EVA1C: variants seen among roughly 807,000 people sequenced by gnomAD.
The protein encoded by EVA1C is eva-1 homolog C.
A neutral mutation model predicts 45.4 loss-of-function variants in EVA1C; 25 were observed. The ratio of observed to expected loss-of-function variants is 0.55; its 90% CI spans 0.40 to 0.77. The LOEUF is 0.77. Ranked by LOEUF, EVA1C falls within the 30% of genes least tolerant of loss-of-function variation. EVA1C has a pLI of 0.00. For synonymous variants in EVA1C, 190 were observed against 221.2 expected, an observed-to-expected ratio of 0.86 and a Z score of 1.25; for missense variants, 479 against 554.8, an observed-to-expected ratio of 0.86 and a Z score of 1.37.
chr21:32,500,190 ATTT>A (rs538897939), intron 5 of EVA1C, among the ~76,000 whole-genome samples: 359 of 91,092 alleles, frequency 3.9e-3, no homozygotes, highest in African/African-American at 0.015. Flanking sequence ...TAACCACCCT[ATTT>A]TTTTTTTTTT....
At chr21:32,450,193 T>A (rs1002764193) in intron 1 of EVA1C, among the ~76,000 whole-genome samples, 6 of 152,122 alleles carry the variant, frequency 3.9e-5, no homozygotes, top group Non-Finnish European at 7.4e-5. Flanking sequence ...ATGTAAATGG[T>A]CTGGAGGAGG....
chr21:32,475,463 C>CTTTT (rs775162227), intron 4 of EVA1C, among the ~76,000 whole-genome samples: 1 of 127,240 alleles, frequency 7.9e-6, no homozygotes, highest in Non-Finnish European at 1.7e-5. Flanking sequence ...AAAGTTCTTA[C>CTTTT]TTTTTTTTTT....
intron 1 of EVA1C, among the ~76,000 whole-genome samples, chr21:32,434,376 G>A (rs79178805): frequency 6.6e-6 from 1 of 150,842 alleles, no homozygotes; most frequent in Non-Finnish European, 1.5e-5. Flanking sequence ...CGGATCACGA[G>A]GTCAGGAGAT....
At chr21:32,495,231 A>ACCATGTG (rs567561059) in intron 5 of EVA1C, 61 bp downstream of exon 5, 2 of 1,573,568 alleles carry the variant, frequency 1.3e-6, no homozygotes, top group Non-Finnish European at 1.7e-6. Context: ...GAGGGTGGTG[A>ACCATGTG]CCATGTGAAC....
At chr21:32,501,162 T>C (rs917845106) in intron 5 of EVA1C, among the ~76,000 whole-genome samples, 1 of 152,210 alleles carries the variant, frequency 6.6e-6, no homozygotes, top group African/African-American at 2.4e-5. Flanking sequence ...ATATATCATA[T>C]CTTGTTTTTA....
At chr21:32,440,224 T>C (rs1276767314) in intron 1 of EVA1C, among the ~76,000 whole-genome samples, 1 of 152,236 alleles carries the variant, frequency 6.6e-6, no homozygotes, top group Non-Finnish European at 1.5e-5. Context: ...TTTTAAGTGC[T>C]AGTAAAAAGT....
At chr21:32,470,353 G>C (rs2094590066) in intron 4 of EVA1C, among the ~76,000 whole-genome samples, 1 of 152,220 alleles carries the variant, frequency 6.6e-6, no homozygotes, top group Admixed American at 6.5e-5. Flanking sequence ...AATGGTGGAG[G>C]GTCTGTTGGA....
At chr21:32,489,576 G>A (rs1349304603) in intron 4 of EVA1C, among the ~76,000 whole-genome samples, 1 of 152,154 alleles carries the variant, frequency 6.6e-6, no homozygotes, top group East Asian at 1.9e-4. Flanking sequence ...TGCTTTGGCT[G>A]TTCATGGTCT....
chr21:32,476,098 T>C (rs1175497630), intron 4 of EVA1C, among the ~76,000 whole-genome samples: 1 of 152,158 alleles, frequency 6.6e-6, no homozygotes, highest in African/African-American at 2.4e-5. Context: ...ATTTTTGTGG[T>C]TATTGTATTT....
At chr21:32,471,271 G>A (rs1213262452) in intron 4 of EVA1C, among the ~76,000 whole-genome samples, 2 of 151,684 alleles carry the variant, frequency 1.3e-5, no homozygotes, top group African/African-American at 4.8e-5. Context: ...AGGCATTGTG[G>A]ATCTACGTCT....
intron 4 of EVA1C, among the ~76,000 whole-genome samples, chr21:32,491,649 A>C (rs1426604731): frequency 7.2e-6 from 1 of 138,638 alleles, no homozygotes; most frequent in Non-Finnish European, 1.5e-5. Flanking sequence ...GCACCACTGC[A>C]CTCCAGACTG....
chr21:32,448,977 AAGAAAG>A (rs1350185007), intron 1 of EVA1C, among the ~76,000 whole-genome samples: 1 of 151,364 alleles, frequency 6.6e-6, no homozygotes, highest in Non-Finnish European at 1.5e-5. Flanking sequence ...AAAAGAAAGA[AAGAAAG>A]AGAGAAAGAA....
chr21:32,427,788 T>G (rs1601223941), intron 1 of EVA1C, among the ~76,000 whole-genome samples: 1 of 133,200 alleles, frequency 7.5e-6, no homozygotes, highest in Non-Finnish European at 1.6e-5. Flanking sequence ...GAGGCCAAGG[T>G]GGGAGGATGA....
chr21:32,457,570 T>C (rs2035832044), intron 2 of EVA1C, 27 bp from the exon 3 acceptor site: 4 of 1,613,870 alleles, frequency 2.5e-6, no homozygotes, highest in African/African-American at 1.3e-5. Context: ...TTTTCAAGCC[T>C]GTCCCTTTTC....
intron 2 of EVA1C, 52 bp downstream of exon 2, chr21:32,453,560 T>TTC: frequency 7.8e-7 from 1 of 1,280,882 alleles, no homozygotes; most frequent in South Asian, 1.3e-5. Flanking sequence ...CACACACTCT[T>TTC]TCTCTCTCTC....
intron 1 of EVA1C, among the ~76,000 whole-genome samples, chr21:32,414,556 G>C (rs927455964): frequency 1.3e-5 from 2 of 152,176 alleles, no homozygotes; most frequent in African/African-American, 4.8e-5. Flanking sequence ...TTGCTTTAGG[G>C]AAGCAGTTGC....
intron 4 of EVA1C, among the ~76,000 whole-genome samples, chr21:32,472,647 A>T (rs990142625): frequency 8.5e-5 from 13 of 152,088 alleles, no homozygotes; most frequent in African/African-American, 3.1e-4. Context: ...TAAAAGAAAA[A>T]AAAAAAGGAA....
chr21:32,458,859 C>G (rs1420462346), intron 3 of EVA1C, among the ~76,000 whole-genome samples: 1 of 152,078 alleles, frequency 6.6e-6, no homozygotes, highest in Non-Finnish European at 1.5e-5. Flanking sequence ...TCTGTTAGCT[C>G]CCGCCCTGGT....
At chr21:32,500,191 T>A in intron 5 of EVA1C, among the ~76,000 whole-genome samples, 1 of 5,468 alleles carries the variant, frequency 1.8e-4, no homozygotes, top group Non-Finnish European at 4.7e-4. Context: ...AACCACCCTA[T>A]TTTTTTTTTT....
Sources: gnomAD v4.1 joint callset for allele counts (sites outside exome capture counted in the v4.1 genomes callset) on GRCh38, gnomAD v4.1.1 for gene constraint, MANE v1.5 for transcripts, NCBI Gene and HGNC (gene_info 2026-07-23, HGNC 2026-07-21) for gene names.